The following ARHGAP26 variants were observed in gnomAD, a reference collection of about 807,000 sequenced individuals.
The protein encoded by ARHGAP26 is Rho GTPase activating protein 26, also known as rho GTPase-activating protein 26.
A neutral mutation model predicts 104.8 loss-of-function variants in ARHGAP26; 38 were observed. That is an observed-to-expected ratio of 0.36 (90% CI 0.28 to 0.48). ARHGAP26 has a LOEUF of 0.48. Among genes scored for constraint, ARHGAP26 ranks in the 20% least tolerant of loss-of-function variants. The pLI, the probability that ARHGAP26 is intolerant of heterozygous loss-of-function variation, is 0.99. For missense variants in ARHGAP26, 704 were observed against 947.9 expected, an observed-to-expected ratio of 0.74 and a Z score of 3.38; for synonymous variants, 341 against 340.0, an observed-to-expected ratio of 1.00 and a Z score of -0.03.
At chr5:143,014,138 C>A in intron 12 of ARHGAP26, 22 bp downstream of exon 12, 7 of 1,613,784 alleles carry the variant, frequency 4.3e-6, no homozygotes, top group Non-Finnish European at 5.9e-6. Flanking sequence ...GCTTGGGTAA[C>A]CTTCTACAGC....
At chr5:142,793,897 T>G (rs751605265) in intron 1 of ARHGAP26, among the ~76,000 whole-genome samples, 112 of 152,304 alleles carry the variant, frequency 7.4e-4, no homozygotes, top group Middle Eastern at 3.4e-3. Context: ...CAGTTGGTTT[T>G]AATAAGTTAC....
chr5:142,882,602 A>C (rs1346289045), intron 4 of ARHGAP26, among the ~76,000 whole-genome samples: 4 of 152,212 alleles, frequency 2.6e-5, no homozygotes, highest in Admixed American at 2.0e-4. Context: ...CATGGCACAC[A>C]GGACATGGAA....
rs760704401 is a variant in ARHGAP26 at position 142,871,948 on chromosome 5, C to T, written c.155-1452C>T. On this transcript the variant is annotated intron_variant, in intron 1 of 22. Coordinates refer to ENST00000645722, the MANE Select transcript of ARHGAP26 (RefSeq NM_001135608.3). The surrounding 1 kb of genome is among the most constrained non-coding windows in gnomAD (Gnocchi z 4.1). Reference sequence around the variant, plus strand: ...CGCTTTGGACAAACCGCAGCTATCTCGGGACCGTGTCATCACAGCGTGTGG... The same window carrying T: ...CGCTTTGGACAAACCGCAGCTATCTTGGGACCGTGTCATCACAGCGTGTGG... Among the ~76,000 whole-genome samples the T allele has an allele frequency of 2.0e-5, 3 of 152,224 alleles. No homozygotes were observed. The highest frequency in any genetic ancestry group is 2.9e-5 in the Non-Finnish European group (2 of 68,044).
At position 143,012,552 on chromosome 5, in the gene ARHGAP26, C is replaced by CATATATATATATATATATATATACAT. The variant is rs1778960557; in HGVS notation, c.1108-1505_1108-1504insCATATATATATATATATATATATATA. The stretch of plus-strand genomic sequence containing the variant: ...AGGGATATATTTATATACATACATA[C>CATATATATATATATATATATATACAT]ATATATATATATATATATATATATT... On this transcript the variant is annotated intron_variant, in intron 11 of 22. Transcript: ENST00000645722. Among the ~76,000 whole-genome samples, 3 of 20,846 alleles carry CATATATATATATATATATATATACAT rather than the reference C, an allele frequency of 1.4e-4. 1 individual carries two copies. The highest frequency in any genetic ancestry group is 4.1e-4 in the Non-Finnish European group (3 of 7,252). The allele number at this position is 20,846 out of a possible 152,430, so 13.7% of individuals were successfully genotyped here.
At chr5:142,791,598 A>G (rs1051682651) in intron 1 of ARHGAP26, among the ~76,000 whole-genome samples, 1 of 152,204 alleles carries the variant, frequency 6.6e-6, no homozygotes, top group East Asian at 1.9e-4. Flanking sequence ...GTTTGTGTAT[A>G]TGAAACTGCT....
At chr5:143,177,379 G>A (rs1420836592) in intron 20 of ARHGAP26, among the ~76,000 whole-genome samples, 1 of 152,178 alleles carries the variant, frequency 6.6e-6, no homozygotes, top group Non-Finnish European at 1.5e-5. Flanking sequence ...TGAAATGTAT[G>A]TGAGATCACC....
chr5:143,057,116 A>T (rs1185263897), intron 16 of ARHGAP26, among the ~76,000 whole-genome samples: 1 of 152,188 alleles, frequency 6.6e-6, no homozygotes, highest in Non-Finnish European at 1.5e-5. Flanking sequence ...AAAGACTTGA[A>T]TATTTTATCT....
At chr5:143,156,029 G>C (rs944930955) in intron 20 of ARHGAP26, among the ~76,000 whole-genome samples, 1 of 152,160 alleles carries the variant, frequency 6.6e-6, no homozygotes, top group Non-Finnish European at 1.5e-5. Context: ...AAGGAAATAG[G>C]CTTAAGATTT....
chr5:142,909,480 T>A (rs889901301), intron 9 of ARHGAP26, among the ~76,000 whole-genome samples: 1 of 152,232 alleles, frequency 6.6e-6, no homozygotes, highest in Non-Finnish European at 1.5e-5. Flanking sequence ...GTTGTGCTCC[T>A]TGTTCTCTTC....
chr5:142,866,574 T>C (rs1211893114), intron 1 of ARHGAP26, among the ~76,000 whole-genome samples: 6 of 152,182 alleles, frequency 3.9e-5, no homozygotes, highest in Non-Finnish European at 7.4e-5. Flanking sequence ...TAAGGGGTAT[T>C]TCATCTAAAT....
At chr5:142,876,980 G>A (rs937353074) in intron 3 of ARHGAP26, among the ~76,000 whole-genome samples, 8 of 151,902 alleles carry the variant, frequency 5.3e-5, no homozygotes, top group African/African-American at 1.9e-4. Flanking sequence ...TTGTGCATGT[G>A]CTGGTGCCTA....
At chr5:143,025,018 G>A (rs1780846438) in intron 12 of ARHGAP26, among the ~76,000 whole-genome samples, 1 of 152,140 alleles carries the variant, frequency 6.6e-6, no homozygotes, top group African/African-American at 2.4e-5. Flanking sequence ...AATGAGATTA[G>A]GATGGACATC....
At chr5:142,912,887 T>A (rs1230185082) in intron 9 of ARHGAP26, among the ~76,000 whole-genome samples, 1 of 152,174 alleles carries the variant, frequency 6.6e-6, no homozygotes, top group Non-Finnish European at 1.5e-5. Flanking sequence ...GGAGACCATC[T>A]TCTTCTACTC....
intron 1 of ARHGAP26, among the ~76,000 whole-genome samples, chr5:142,836,513 G>T (rs1347533002): frequency 2.6e-5 from 4 of 152,182 alleles, no homozygotes; most frequent in Admixed American, 6.5e-5. Flanking sequence ...GTAAGAAGAA[G>T]TCTCCCATGC....
At chr5:142,895,261 C>T (rs1244953494) in intron 6 of ARHGAP26, among the ~76,000 whole-genome samples, 4 of 151,890 alleles carry the variant, frequency 2.6e-5, no homozygotes, top group African/African-American at 2.4e-5. Context: ...GACAGCTTCT[C>T]GCTCTGTCAC....
intron 20 of ARHGAP26, among the ~76,000 whole-genome samples, chr5:143,160,514 C>G (rs1387656235): frequency 6.7e-6 from 1 of 149,464 alleles, no homozygotes. Context: ...TAGACAGGGT[C>G]TCACTCTGTT....
chr5:142,840,431 G>A (rs1770532331), intron 1 of ARHGAP26, among the ~76,000 whole-genome samples: 1 of 152,042 alleles, frequency 6.6e-6, no homozygotes, highest in South Asian at 2.1e-4. Flanking sequence ...CACTGTTTTT[G>A]TTGTTGTTGT....
At chr5:142,828,850 G>A (rs1424747000) in intron 1 of ARHGAP26, among the ~76,000 whole-genome samples, 1 of 152,184 alleles carries the variant, frequency 6.6e-6, no homozygotes, top group East Asian at 1.9e-4. Context: ...AGCAAGACGG[G>A]TTTGGTGTGC....
chr5:142,787,167 T>G lies in ARHGAP26; in HGVS notation c.154+16252T>G, dbSNP rs1056828836. 4.6e-5 allele frequency among the ~76,000 whole-genome samples: 7 copies of G among 152,202 alleles called. No individual in the cohort carries two copies. In the East Asian group the frequency reaches 1.3e-3, roughly 29 times the overall value. On this transcript the variant is annotated intron_variant, in intron 1 of 22. Transcript: ENST00000645722. ...CTTCTGGCTCACTGCTTAGCCGTTC[T>G]GATGGGTAACATTTAGTGGCTTATT...
Sources: allele counts gnomAD v4.1 joint callset (sites outside exome capture counted in the v4.1 genomes callset), GRCh38; gene constraint gnomAD v4.1.1; non-coding constraint Gnocchi (gnomAD v3.1); transcripts MANE v1.5; gene names NCBI Gene and HGNC (gene_info 2026-07-23, HGNC 2026-07-21).